The following SLC4A1AP variants were observed in gnomAD, a reference collection of about 807,000 sequenced individuals.
The protein encoded by SLC4A1AP is solute carrier family 4 member 1 adaptor protein, also known as kanadaptin.
Under a neutral mutation model 89.7 loss-of-function variants are expected in SLC4A1AP, and 64 were observed. That is an observed-to-expected ratio of 0.71 (90% confidence interval 0.58 to 0.88). The LOEUF is 0.88. SLC4A1AP is among the 40% of genes least tolerant of loss of function. SLC4A1AP has a pLI of 0.00. For missense variants in SLC4A1AP, 931 were observed against 965.0 expected, an observed-to-expected ratio of 0.96 and a Z score of 0.47; for synonymous variants, 366 against 353.3, an observed-to-expected ratio of 1.04 and a Z score of -0.40.
At chr2:27,679,398 C>T (rs553547721) in intron 8 of SLC4A1AP, among the ~76,000 whole-genome samples, 2 of 152,072 alleles carry the variant, frequency 1.3e-5, no homozygotes, top group Non-Finnish European at 2.9e-5. Flanking sequence ...GTCAGGAGAT[C>T]GAGACCATCC....
chr2:27,675,171 A>G (rs1159954343), intron 5 of SLC4A1AP, among the ~76,000 whole-genome samples: 1 of 152,228 alleles, frequency 6.6e-6, no homozygotes, highest in Non-Finnish European at 1.5e-5. Flanking sequence ...TGGAACCATC[A>G]ACACTGTTCA....
At chr2:27,664,375 G>A (rs1422465397) in exon 1 of SLC4A1AP, 12 of 1,614,078 alleles carry the variant, frequency 7.4e-6, no homozygotes, top group Non-Finnish European at 1.0e-5. Flanking sequence ...TCGGTGTCTC[G>A]GTACCACGCA....
rs1675729574 is a variant in SLC4A1AP at position 27,687,929 on chromosome 2, T to C, written c.2117-5T>C. Reference sequence around the variant, plus strand: ...GACAATATGATTTGATATTGCTTTTTATAGAAAACATGTCTCAACTTAGCG... The same window carrying C: ...GACAATATGATTTGATATTGCTTTTCATAGAAAACATGTCTCAACTTAGCG... On this transcript the variant is annotated splice_polypyrimidine_tract_variant and splice_region_variant and intron_variant, in intron 10 of 13. Transcript: ENST00000613058. The C allele has an allele frequency of 6.2e-7, 1 of 1,609,298 alleles. No homozygotes were observed. Among genetic ancestry groups the C allele is most frequent in the East Asian group, 2.2e-5 (1 of 44,838 alleles).
chr2:27,677,074 G>A (rs1231785652), intron 6 of SLC4A1AP, among the ~76,000 whole-genome samples: 2 of 152,174 alleles, frequency 1.3e-5, no homozygotes, highest in South Asian at 4.1e-4. Context: ...GGGAGTCGGA[G>A]GTGGCAGAGA....
At chr2:27,666,417 C>T (rs1459396380) in intron 2 of SLC4A1AP, among the ~76,000 whole-genome samples, 1 of 136,870 alleles carries the variant, frequency 7.3e-6, no homozygotes, top group African/African-American at 2.7e-5. Context: ...CAGGCGTGAG[C>T]GATCGCACTC....
intron 10 of SLC4A1AP, among the ~76,000 whole-genome samples, chr2:27,686,122 TG>T (rs1675701935): frequency 6.6e-6 from 1 of 152,152 alleles, no homozygotes; most frequent in East Asian, 1.9e-4. Flanking sequence ...TGGCACTGAA[TG>T]TATGGGAATG....
At chr2:27,673,027 C>G (rs1675450543) in intron 5 of SLC4A1AP, among the ~76,000 whole-genome samples, 2 of 116,874 alleles carry the variant, frequency 1.7e-5, no homozygotes. Flanking sequence ...CTGTTTTACC[C>G]TTTCCAGAGA....
At chr2:27,691,425 ATCT>A (rs1675784581) in intron 12 of SLC4A1AP, 1 of 151,820 alleles carries the variant, frequency 6.6e-6, no homozygotes, top group Non-Finnish European at 1.5e-5. Flanking sequence ...CTAATATAGA[ATCT>A]TCTTTTCTTG....
chr2:27,673,489 C>T (rs1161988414), intron 5 of SLC4A1AP, among the ~76,000 whole-genome samples: 1 of 127,888 alleles, frequency 7.8e-6, no homozygotes, highest in Admixed American at 9.1e-5. Flanking sequence ...CCTTCCTTCT[C>T]TTTCCTCTAT....
chr2:27,687,617 A>G (rs552138446), intron 10 of SLC4A1AP, among the ~76,000 whole-genome samples: 1 of 152,294 alleles, frequency 6.6e-6, no homozygotes, highest in African/African-American at 2.4e-5. Context: ...TTTGGTGGTC[A>G]TCTCTGATTT....
At chr2:27,686,689 G>T (rs1369360495) in intron 10 of SLC4A1AP, among the ~76,000 whole-genome samples, 1 of 152,276 alleles carries the variant, frequency 6.6e-6, no homozygotes, top group Non-Finnish European at 1.5e-5. Context: ...CAGGAGAATT[G>T]CTTGAACCCG....
intron 10 of SLC4A1AP, among the ~76,000 whole-genome samples, chr2:27,687,029 C>G (rs556299333): frequency 7.4e-4 from 112 of 152,236 alleles, no homozygotes; most frequent in Non-Finnish European, 1.2e-3. Context: ...GTCTCAAACT[C>G]CTGGCCTCAA....
At chr2:27,665,848 T>C (rs1675309330) in intron 2 of SLC4A1AP, among the ~76,000 whole-genome samples, 1 of 152,220 alleles carries the variant, frequency 6.6e-6, no homozygotes, top group Non-Finnish European at 1.5e-5. Context: ...GGCATTAATA[T>C]ATAGTTGGGA....
intron 5 of SLC4A1AP, among the ~76,000 whole-genome samples, chr2:27,670,683 C>T (rs1395509128): frequency 6.6e-6 from 1 of 151,230 alleles, no homozygotes; most frequent in South Asian, 2.1e-4. Flanking sequence ...GGTGAAACCC[C>T]GTCTCTACCA....
chr2:27,664,428 A>C (rs1381895147), exon 1 of SLC4A1AP: 8 of 1,614,090 alleles, frequency 5.0e-6, no homozygotes, highest in Non-Finnish European at 6.8e-6. Context: ...AGAATGCGAC[A>C]GCAACGGGCC....
intron 12 of SLC4A1AP, among the ~76,000 whole-genome samples, chr2:27,691,189 G>A (rs1261973600): frequency 6.6e-6 from 1 of 151,880 alleles, no homozygotes; most frequent in African/African-American, 2.4e-5. Flanking sequence ...TTTGTTGGTG[G>A]TAATATTTTT....
chr2:27,685,324 T>C, intron 10 of SLC4A1AP, 47 bp downstream of exon 10: 1 of 1,559,468 alleles, frequency 6.4e-7, no homozygotes. Flanking sequence ...GGCAGTTACA[T>C]TGATTGTGGA....
intron 12 of SLC4A1AP, chr2:27,692,241 AT>A (rs1675800099): frequency 6.6e-6 from 1 of 152,150 alleles, no homozygotes; most frequent in African/African-American, 2.4e-5. Context: ...ATTTCCAGTG[AT>A]TTCATTGTTA....
intron 5 of SLC4A1AP, among the ~76,000 whole-genome samples, chr2:27,670,115 G>A (rs963519998): frequency 6.6e-6 from 1 of 151,900 alleles, no homozygotes; most frequent in African/African-American, 2.4e-5. Flanking sequence ...CACCTGCCTC[G>A]GCCTCCCAAA....
Sources: allele counts gnomAD v4.1 joint callset (sites outside exome capture counted in the v4.1 genomes callset), GRCh38; gene constraint gnomAD v4.1.1; transcripts MANE v1.5; gene names NCBI Gene and HGNC (gene_info 2026-07-23, HGNC 2026-07-21).